Variants in NRXN3 observed in about 807,000 individuals in gnomAD.
The protein encoded by NRXN3 is neurexin 3.
A neutral mutation model predicts 137.6 loss-of-function variants in NRXN3; 32 were observed. That is an observed-to-expected ratio of 0.23 (90% CI 0.18 to 0.31). The LOEUF (loss-of-function observed/expected upper bound fraction) is 0.31, where lower values mean the gene tolerates loss of function less well. Ranked by LOEUF, NRXN3 falls within the 10% of genes least tolerant of loss-of-function variation. The pLI is 1.00. For synonymous variants in NRXN3, 798 were observed against 784.5 expected (o/e 1.02, Z -0.29); for missense variants, 1,574 against 2,062.5 (o/e 0.76, Z 4.59).
chr14:78,262,383 G>C (rs1395279493), intron 2 of NRXN3, among the ~76,000 whole-genome samples: 1 of 152,146 alleles, frequency 6.6e-6, no homozygotes, highest in East Asian at 1.9e-4. Flanking sequence ...TCTCCTTCCA[G>C]AATGCAGAAT....
intron 8 of NRXN3, among the ~76,000 whole-genome samples, chr14:78,747,686 C>T (rs2098617168): frequency 6.6e-6 from 1 of 152,180 alleles, no homozygotes; most frequent in Non-Finnish European, 1.5e-5. Context: ...TTTGGTAGCG[C>T]CTTTGCTTGC....
chr14:78,365,209 A>G (rs2085740485), intron 4 of NRXN3, among the ~76,000 whole-genome samples: 1 of 152,112 alleles, frequency 6.6e-6, no homozygotes, highest in South Asian at 2.1e-4. Context: ...TTTTTTTGGA[A>G]TAGGTCATAT....
chr14:78,900,989 T>A (rs1395729761), intron 10 of NRXN3, among the ~76,000 whole-genome samples: 2 of 152,034 alleles, frequency 1.3e-5, no homozygotes, highest in African/African-American at 4.8e-5. Context: ...AATGAGGATG[T>A]TCAGTCTGGT....
At chr14:78,534,672 A>T (rs1265836834) in intron 4 of NRXN3, among the ~76,000 whole-genome samples, 2 of 152,126 alleles carry the variant, frequency 1.3e-5, no homozygotes, top group Non-Finnish European at 1.5e-5. Flanking sequence ...AAAATTCTAA[A>T]CCAGATTCTG....
At chr14:79,196,794 G>T (rs2065198516) in intron 15 of NRXN3, among the ~76,000 whole-genome samples, 1 of 152,112 alleles carries the variant, frequency 6.6e-6, no homozygotes, top group African/African-American at 2.4e-5. Context: ...ATTAGGTCAG[G>T]AATGTTATTA....
At chr14:79,199,847 A>C (rs968058058) in intron 15 of NRXN3, 2 of 152,254 alleles carry the variant, frequency 1.3e-5, no homozygotes, top group Non-Finnish European at 2.9e-5. Context: ...TTCAAATGGC[A>C]GATGACTGTG....
chr14:78,421,052 C>T (rs1379746716), intron 4 of NRXN3, among the ~76,000 whole-genome samples: 1 of 152,080 alleles, frequency 6.6e-6, no homozygotes, highest in African/African-American at 2.4e-5. Flanking sequence ...ATCACAAGGT[C>T]AAGGGATCAA....
chr14:79,741,344 G>A (rs2098962400), intron 19 of NRXN3, among the ~76,000 whole-genome samples: 3 of 151,984 alleles, frequency 2.0e-5, no homozygotes, highest in African/African-American at 7.3e-5. Context: ...CATGCTTTCT[G>A]GAAGCAATAT....
chr14:78,709,387 C>G lies in NRXN3; in HGVS notation c.1392C>G (p.Asn464Lys). 6.2e-7 allele frequency: 1 copy of G among 1,614,164 alleles called. No homozygotes were observed. The highest frequency in any genetic ancestry group is 1.1e-5 in the South Asian group (1 of 91,074). ...CTTACATCAGCTTGCCCAAGTGGAA[C>G]ACTAAACGTATGGGCTCCATCTCCT... ...PEAYISLPKWNTKRMGSISFD... is the reference protein window; with the variant it reads ...PEAYISLPKWKTKRMGSISFD... Residue 464 changes from asparagine (N) to lysine (K), a missense_variant, in exon 7 of 21, where the codon AAC becomes AAG. By Grantham distance (94) the Asn-to-Lys change is moderately conservative. Coordinates refer to ENST00000335750, the MANE Select transcript of NRXN3 (RefSeq NM_001330195.2).
At chr14:78,670,088 C>T (rs902566406) in intron 6 of NRXN3, among the ~76,000 whole-genome samples, 6 of 151,840 alleles carry the variant, frequency 4.0e-5, no homozygotes, top group Admixed American at 2.6e-4. Flanking sequence ...TCAACTCCCT[C>T]TTATGAGTGA....
At chr14:78,719,006 TG>T (rs1354853035) in intron 8 of NRXN3, among the ~76,000 whole-genome samples, 1 of 152,224 alleles carries the variant, frequency 6.6e-6, no homozygotes, top group Non-Finnish European at 1.5e-5. Context: ...TCACTTGACC[TG>T]GGACAACATC....
chr14:79,078,369 A>G (rs79515327), intron 15 of NRXN3, among the ~76,000 whole-genome samples: 25 of 152,278 alleles, frequency 1.6e-4, no homozygotes, highest in African/African-American at 6.0e-4. Flanking sequence ...CTACTGTCCT[A>G]TTGGAAATGA....
intron 6 of NRXN3, among the ~76,000 whole-genome samples, chr14:78,706,034 G>A (rs1182698743): frequency 2.6e-5 from 4 of 151,790 alleles, no homozygotes; most frequent in East Asian, 1.9e-4. Flanking sequence ...TTGTTAAAAG[G>A]CTTTTTTTTC....
chr14:78,642,538 G>A (rs17757157), intron 4 of NRXN3, among the ~76,000 whole-genome samples: 3,634 of 152,256 alleles, frequency 0.024, 58 homozygotes, highest in Non-Finnish European at 0.04. Flanking sequence ...GGCACACAAG[G>A]TATAACTTAA....
chr14:78,368,281 G>C (rs1350237764), intron 4 of NRXN3, among the ~76,000 whole-genome samples: 1 of 152,220 alleles, frequency 6.6e-6, no homozygotes, highest in East Asian at 1.9e-4. Context: ...TGCAGTTACT[G>C]AGGTATGGAG....
intron 15 of NRXN3, among the ~76,000 whole-genome samples, chr14:79,365,695 C>T (rs1477618844): frequency 3.3e-5 from 4 of 122,120 alleles, no homozygotes; most frequent in Admixed American, 2.2e-4. Flanking sequence ...GTCCGCAGTC[C>T]GGCCTGGGCG....
chr14:79,361,747 A>G (rs1015044434), intron 15 of NRXN3, among the ~76,000 whole-genome samples: 1 of 152,142 alleles, frequency 6.6e-6, no homozygotes, highest in Non-Finnish European at 1.5e-5. Context: ...AATGTTTAAC[A>G]TAATAAAATG....
At chr14:79,808,027 A>G (rs2140730321) in intron 20 of NRXN3, among the ~76,000 whole-genome samples, 1 of 152,124 alleles carries the variant, frequency 6.6e-6, no homozygotes, top group East Asian at 1.9e-4. Flanking sequence ...ATATCTCCTC[A>G]GAAGTTCAAG....
Position 78,693,711 on chromosome 14 carries a change from G to A in NRXN3, c.1222-15506G>A, listed in dbSNP as rs984650387. On this transcript the variant is annotated intron_variant, in intron 6 of 20. Transcript: ENST00000335750. ...TGTGTGTGTGTGTGTGTGTGTGTGT[G>A]TTCTCTTGCTTTCTTTTAGTTCATT... is the stretch of plus-strand genomic sequence containing the variant. Among the ~76,000 whole-genome samples, 40 of 110,748 alleles carry A rather than the reference G, an allele frequency of 3.6e-4. No homozygotes were observed. In the East Asian group the frequency reaches 0.011, roughly 29 times the overall value. The allele number at this position is 110,748 out of a possible 152,430, so 72.7% of individuals were successfully genotyped here.
Sources: allele counts gnomAD v4.1 joint callset (sites outside exome capture counted in the v4.1 genomes callset), GRCh38; gene constraint gnomAD v4.1.1; transcripts MANE v1.5; gene names NCBI Gene and HGNC (gene_info 2026-07-23, HGNC 2026-07-21).